Variants in BPTF observed in about 807,000 individuals in gnomAD.
The protein encoded by BPTF is nucleosome-remodeling factor subunit BPTF.
A neutral mutation model predicts 292.5 loss-of-function variants in BPTF; 18 were observed. The ratio of observed to expected loss-of-function variants is 0.06; its 90% confidence interval spans 0.04 to 0.09. The LOEUF is 0.09. Ranked by LOEUF, BPTF falls within the 10% of genes least tolerant of loss-of-function variation. The pLI is 1.00. For synonymous variants in BPTF, 1,225 were observed against 1,251.9 expected, an observed-to-expected ratio of 0.98 and a Z score of 0.45; for missense variants, 2,726 against 3,498.7, an observed-to-expected ratio of 0.78 and a Z score of 5.57.
At chr17:67,904,919 T>C (rs2062074497) in intron 9 of BPTF, 79 bp downstream of exon 9, 1 of 1,186,718 alleles carries the variant, frequency 8.4e-7, no homozygotes, top group Non-Finnish European at 1.1e-6. Flanking sequence ...TTTGACTATA[T>C]TTTAGATAAA....
chr17:67,840,592 C>T (rs560380006), intron 1 of BPTF, among the ~76,000 whole-genome samples: 2 of 151,668 alleles, frequency 1.3e-5, no homozygotes, highest in African/African-American at 4.8e-5. Context: ...CCTTCTTTCA[C>T]CCATGCTGGA....
chr17:67,827,292 C>G (rs1026946484), intron 1 of BPTF, among the ~76,000 whole-genome samples: 3 of 152,188 alleles, frequency 2.0e-5, no homozygotes, highest in African/African-American at 7.2e-5. Context: ...TCTTTTCACT[C>G]TATTTCTGAG....
intron 4 of BPTF, among the ~76,000 whole-genome samples, chr17:67,876,787 C>T (rs62084247): frequency 0.2 from 30,988 of 151,814 alleles, 3,973 homozygotes; most frequent in East Asian, 0.66. Flanking sequence ...GCCTGGGCGA[C>T]AGAGCAAGAC....
intron 9 of BPTF, among the ~76,000 whole-genome samples, chr17:67,908,491 C>CTTT (rs34537462): frequency 6.1e-5 from 6 of 97,574 alleles, no homozygotes; most frequent in Admixed American, 1.1e-4. Flanking sequence ...TCACTGACCA[C>CTTT]TTTTTTTTTT....
At chr17:67,847,632 G>A (rs1018198870) in intron 1 of BPTF, among the ~76,000 whole-genome samples, 7 of 146,242 alleles carry the variant, frequency 4.8e-5, no homozygotes, top group Non-Finnish European at 7.4e-5. Context: ...CCTAGATTGC[G>A]CCACTGCACT....
chr17:67,922,160 C>T (rs574953582), intron 13 of BPTF, among the ~76,000 whole-genome samples: 4 of 152,338 alleles, frequency 2.6e-5, no homozygotes, highest in Non-Finnish European at 5.9e-5. Flanking sequence ...ATGCAAACCA[C>T]TGCAGTCCCC....
intron 2 of BPTF, among the ~76,000 whole-genome samples, chr17:67,862,689 A>G (rs1000247379): frequency 3.3e-5 from 5 of 152,210 alleles, no homozygotes; most frequent in African/African-American, 7.2e-5. Flanking sequence ...AAAAAGTACT[A>G]TAAAACTGGG....
chr17:67,878,006 G>T (rs137975299), intron 4 of BPTF, among the ~76,000 whole-genome samples: 29 of 152,250 alleles, frequency 1.9e-4, no homozygotes, highest in African/African-American at 6.5e-4. Flanking sequence ...GGATGTTTAC[G>T]AAGTTAACAC....
intron 18 of BPTF, among the ~76,000 whole-genome samples, chr17:67,933,566 TAAAAAAAA>T (rs201238468): frequency 6.7e-6 from 1 of 149,056 alleles, no homozygotes; most frequent in African/African-American, 2.5e-5. Context: ...ACGACCTGTT[TAAAAAAAA>T]AGAAAAAAAG....
In BPTF at chr17:67,825,703, C is replaced by CT; in HGVS notation, c.-21dup. 1 of 840,772 alleles carries CT rather than the reference C, an allele frequency of 1.2e-6. No homozygotes were observed. The allele number at this position is 840,772 out of a possible 1,614,324, so 52.1% of individuals were successfully genotyped here. A position where few individuals can be genotyped will look rare whatever the true frequency, so the allele number is the denominator to read the frequency against. Reference sequence around the variant, plus strand: ...CCGCCCCTCCCCCTTCGCTTTCCTTCTCCCCCCGCCTCGGCTCCGACATGA... The same window carrying CT: ...CCGCCCCTCCCCCTTCGCTTTCCTTCTTCCCCCCGCCTCGGCTCCGACATGA... On this transcript the variant is annotated 5_prime_UTR_variant, in exon 1 of 28. Transcript: ENST00000306378.
At chr17:67,860,238 A>G (rs1423493807) in intron 2 of BPTF, among the ~76,000 whole-genome samples, 2 of 152,210 alleles carry the variant, frequency 1.3e-5, no homozygotes, top group Admixed American at 6.5e-5. Flanking sequence ...GACAAATCTG[A>G]AAGATTTTAC....
chr17:67,928,892 C>T, intron 16 of BPTF: 3 of 1,175,576 alleles, frequency 2.6e-6, no homozygotes, highest in Non-Finnish European at 2.1e-6. Context: ...GGTGCCCTTT[C>T]CTAGAAGTCA....
chr17:67,905,148 G>C (rs943129532), intron 9 of BPTF, among the ~76,000 whole-genome samples: 3 of 152,150 alleles, frequency 2.0e-5, no homozygotes, highest in South Asian at 2.1e-4. Context: ...GGTGGTTCAC[G>C]CCTGTAATCC....
intron 1 of BPTF, among the ~76,000 whole-genome samples, chr17:67,852,630 C>A (rs1234847285): frequency 6.6e-6 from 1 of 152,244 alleles, no homozygotes; most frequent in Admixed American, 6.5e-5. Flanking sequence ...ATTCATTTGA[C>A]TATTTATGTA....
At chr17:67,862,971 A>G (rs1004351090) in intron 2 of BPTF, among the ~76,000 whole-genome samples, 2 of 152,076 alleles carry the variant, frequency 1.3e-5, no homozygotes, top group Non-Finnish European at 2.9e-5. Flanking sequence ...CCCATTACCC[A>G]GTTCCAAAAC....
rs781862728 is a variant in BPTF, at chr17:67,975,824, G to A, written c.8592G>A (p.Thr2864=). 19 of 1,613,888 alleles carry A rather than the reference G, an allele frequency of 1.2e-5. No individual in the cohort carries two copies. The highest frequency in any genetic ancestry group is 5.5e-5 in the South Asian group (5 of 91,036). Residue 2864 remains threonine (T), a synonymous_variant, in exon 27 of 28, where the codon ACG becomes ACA. Transcript: ENST00000306378. ...RVQRRYYEKL[T]EFVADMTKIF... ...AAAGACGATATTATGAAAAGCTGAC[G>A]GAATTTGTGGCAGATATGACCAAAA...
In BPTF at chr17:67,982,480, A is replaced by G. The variant is rs1199959012; in HGVS notation, c.*192A>G. 19 of 479,148 alleles carry G rather than the reference A, an allele frequency of 4.0e-5. No individual in the cohort carries two copies. Among genetic ancestry groups the G allele is most frequent in the Non-Finnish European group, 6.1e-5 (16 of 264,186 alleles). The allele number at this position is 479,148 out of a possible 1,614,324, so 29.7% of individuals were successfully genotyped here. A position where few individuals can be genotyped will look rare whatever the true frequency, so the allele number is the denominator to read the frequency against. The stretch of plus-strand genomic sequence containing the variant: ...CAACGGACAAGAAAAAAGCAAAGTC[A>G]ACGACACCATTATCTTGTCAAGATC... On this transcript the variant is annotated 3_prime_UTR_variant, in exon 28 of 28. Coordinates refer to ENST00000306378, the MANE Select transcript of BPTF (RefSeq NM_182641.4).
rs1555674001 is a variant in BPTF at position 67,945,447 on chromosome 17, A to G, written c.6739A>G (p.Met2247Val). Reference sequence around the variant, plus strand: ...AAGGCAGAGTAAACTGTCACCCCAGATGCAGGTACATCAAGACAAAACCCT... The same window carrying G: ...AAGGCAGAGTAAACTGTCACCCCAGGTGCAGGTACATCAAGACAAAACCCT... ...EQRQSKLSPQ[M>V]QVHQDKTLPP... Residue 2247 changes from methionine to valine, a missense_variant, in exon 21 of 28, where the codon ATG (methionine) becomes GTG (valine). Physicochemically the swap from Met to Val is conservative, Grantham distance 21 (BLOSUM62 1). Coordinates refer to ENST00000306378, the MANE Select transcript of BPTF (RefSeq NM_182641.4). 1.9e-6 allele frequency: 3 copies of G among 1,614,034 alleles called. No individual in the cohort carries two copies. The highest frequency in any genetic ancestry group is 2.5e-6 in the Non-Finnish European group (3 of 1,179,976).
chr17:67,853,960 C>T lies in BPTF; in HGVS notation c.634C>T (p.His212Tyr). Reference protein sequence around the residue: ...STPGRRKPRVHRPRSPILEEK... With the variant: ...STPGRRKPRVYRPRSPILEEK... ...TACAGGTAGGCGAAAACCAAGAGTACATCGGCCTCGTTCTCCTATATTGGA... is the reference window on the plus strand; with the variant it reads ...TACAGGTAGGCGAAAACCAAGAGTATATCGGCCTCGTTCTCCTATATTGGA... The change falls in exon 2 of 28, where the codon CAT becomes TAT. Residue 212 changes from histidine (H) to tyrosine (Y), a missense_variant. His to Tyr is a moderately conservative substitution (Grantham distance 83). This residue lies in a region of BPTF where 153 missense variants were observed against 178.3 expected (regional missense o/e 0.86). Transcript: ENST00000306378. 3.7e-6 allele frequency: 6 copies of T among 1,612,026 alleles called. No individual in the cohort carries two copies. Among genetic ancestry groups the T allele is most frequent in the Non-Finnish European group, 5.1e-6 (6 of 1,178,282 alleles).
Sources: gnomAD v4.1 joint callset for allele counts (sites outside exome capture counted in the v4.1 genomes callset) on GRCh38, gnomAD v4.1.1 for gene constraint, gnomAD v4.1.1 regional missense constraint, MANE v1.5 for transcripts, NCBI Gene and HGNC (gene_info 2026-07-23, HGNC 2026-07-21) for gene names.